KCNAB1: variants seen among roughly 807,000 people sequenced by gnomAD.
KCNAB1 encodes the protein voltage-gated potassium channel subunit beta-1.
Under a neutral mutation model 64.6 loss-of-function variants are expected in KCNAB1, and 35 were observed. The observed-to-expected ratio is 0.54, with a 90% CI of 0.41 to 0.72. The LOEUF is 0.72. Among genes scored for constraint, KCNAB1 ranks in the 30% least tolerant of loss-of-function variants. The pLI is 0.00. For synonymous variants in KCNAB1, 177 were observed against 183.8 expected (o/e 0.96, Z 0.30); for missense variants, 401 against 512.9 (o/e 0.78, Z 2.11).
At chr3:156,379,938 G>A (rs1712025982) in intron 1 of KCNAB1, among the ~76,000 whole-genome samples, 1 of 152,162 alleles carries the variant, frequency 6.6e-6, no homozygotes, top group Non-Finnish European at 1.5e-5. Context: ...GGTGGATGTA[G>A]TGTGTGAAAT....
intron 2 of KCNAB1, among the ~76,000 whole-genome samples, chr3:156,423,166 G>C (rs561156400): frequency 6.6e-6 from 1 of 152,338 alleles, no homozygotes; most frequent in Admixed American, 6.5e-5. Context: ...AAGAAAAGCA[G>C]AGAAATGGAG....
intron 1 of KCNAB1, among the ~76,000 whole-genome samples, chr3:156,356,152 A>G (rs1236331864): frequency 6.7e-6 from 1 of 149,922 alleles, no homozygotes; most frequent in African/African-American, 2.5e-5. Flanking sequence ...AAAGAAAAGA[A>G]AGAGAGAGAA....
At chr3:156,355,935 A>G (rs766484493) in intron 1 of KCNAB1, among the ~76,000 whole-genome samples, 1 of 151,990 alleles carries the variant, frequency 6.6e-6, no homozygotes, top group Non-Finnish European at 1.5e-5. Context: ...TGGAGAACAT[A>G]GGGAGCTCCT....
At chr3:156,291,635 A>C in intron 1 of KCNAB1, 1 of 1,339,884 alleles carries the variant, frequency 7.5e-7, no homozygotes, top group South Asian at 1.6e-5. Context: ...GAAGATTTGC[A>C]AACCTGATTC....
chr3:156,507,759 T>C (rs1344365765), intron 8 of KCNAB1, among the ~76,000 whole-genome samples: 1 of 152,138 alleles, frequency 6.6e-6, no homozygotes, highest in Non-Finnish European at 1.5e-5. Context: ...TAACAGCAAC[T>C]CCTCTGATGA....
At chr3:156,227,994 G>T (rs1036957268) in intron 1 of KCNAB1, 1 of 152,236 alleles carries the variant, frequency 6.6e-6, no homozygotes, top group South Asian at 2.1e-4. Context: ...GGAAGAGAGA[G>T]CAGGTAAGTG....
intron 1 of KCNAB1, among the ~76,000 whole-genome samples, chr3:156,236,525 T>G (rs1161196788): frequency 2.0e-5 from 3 of 152,156 alleles, no homozygotes; most frequent in Non-Finnish European, 4.4e-5. Context: ...TGGAGGGAAC[T>G]GCCAACCTAA....
chr3:156,289,032 A>G (rs1720248090), intron 1 of KCNAB1, among the ~76,000 whole-genome samples: 1 of 152,134 alleles, frequency 6.6e-6, no homozygotes, highest in Non-Finnish European at 1.5e-5. Context: ...GTGTGGTCCT[A>G]TGGGGGATAA....
chr3:156,146,227 G>C (rs1407652223), intron 1 of KCNAB1, among the ~76,000 whole-genome samples: 2 of 152,188 alleles, frequency 1.3e-5, no homozygotes, highest in Non-Finnish European at 2.9e-5. Flanking sequence ...GGTGTAAAAA[G>C]TGCCAAGTTG....
intron 1 of KCNAB1, among the ~76,000 whole-genome samples, chr3:156,311,447 G>A (rs1241094179): frequency 6.6e-6 from 1 of 152,226 alleles, no homozygotes; most frequent in African/African-American, 2.4e-5. Context: ...GAAGGTAGGG[G>A]TTGGGTCCTA....
intron 1 of KCNAB1, among the ~76,000 whole-genome samples, chr3:156,390,150 A>C (rs1712922161): frequency 6.6e-6 from 1 of 152,242 alleles, no homozygotes; most frequent in African/African-American, 2.4e-5. Context: ...CTTCAAACCT[A>C]TGAAAGCAGC....
intron 8 of KCNAB1, among the ~76,000 whole-genome samples, chr3:156,510,301 A>C (rs1717118113): frequency 1.3e-5 from 2 of 152,136 alleles, no homozygotes; most frequent in Admixed American, 1.3e-4. Flanking sequence ...TTGAGACTAG[A>C]ATTCATCAAA....
chr3:156,257,958 A>G (rs1319874389), intron 1 of KCNAB1, among the ~76,000 whole-genome samples: 2 of 152,246 alleles, frequency 1.3e-5, no homozygotes, highest in Admixed American at 6.5e-5. Context: ...GGAGACCACC[A>G]GAAGCAGTCT....
intron 12 of KCNAB1, among the ~76,000 whole-genome samples, chr3:156,525,180 C>A (rs1359849738): frequency 6.6e-6 from 1 of 151,974 alleles, no homozygotes; most frequent in Non-Finnish European, 1.5e-5. Flanking sequence ...TGTAAAACAG[C>A]CTTATGCAGG....
In KCNAB1 at chr3:156,469,157, C is replaced by G. The variant is rs1304894520; in HGVS notation, c.571+3471C>G. 3.3e-5 allele frequency among the ~76,000 whole-genome samples: 5 copies of G among 151,506 alleles called. No individual in the cohort carries two copies. The South Asian group carries it at 1.0e-3, about 31-fold the overall frequency. On this transcript the variant is annotated intron_variant, in intron 7 of 13. Coordinates refer to ENST00000490337, the MANE Select transcript of KCNAB1 (RefSeq NM_172160.3). ...CGAAGAGAAAAAGAATGGAGAAGGT[C>G]TGCTACTATGCTCCTCACTGCATCT...
intron 11 of KCNAB1, among the ~76,000 whole-genome samples, chr3:156,521,787 A>T (rs918995606): frequency 6.6e-6 from 1 of 152,106 alleles, no homozygotes; most frequent in African/African-American, 2.4e-5. Flanking sequence ...AAAGCTGTTT[A>T]TTTCCAACAC....
intron 1 of KCNAB1, among the ~76,000 whole-genome samples, chr3:156,330,767 T>C (rs1217737985): frequency 1.3e-5 from 2 of 152,134 alleles, no homozygotes; most frequent in Admixed American, 1.3e-4. Context: ...TCCCTGAGCC[T>C]TTTTCTTTTG....
intron 1 of KCNAB1, among the ~76,000 whole-genome samples, chr3:156,364,568 C>T (rs1219044086): frequency 2.6e-5 from 4 of 152,060 alleles, no homozygotes; most frequent in East Asian, 1.9e-4. Flanking sequence ...CACCTAAGGT[C>T]GGGAGTTCGA....
At chr3:156,335,595 C>T (rs1723643442) in intron 1 of KCNAB1, among the ~76,000 whole-genome samples, 2 of 152,190 alleles carry the variant, frequency 1.3e-5, no homozygotes, top group South Asian at 4.1e-4. Context: ...CAGACATTAT[C>T]TAGATTTCCA....
Sources: allele counts gnomAD v4.1 joint callset (sites outside exome capture counted in the v4.1 genomes callset), GRCh38; gene constraint gnomAD v4.1.1; transcripts MANE v1.5; gene names NCBI Gene and HGNC (gene_info 2026-07-23, HGNC 2026-07-21).